The following PTPRD variants were observed in gnomAD, a reference collection of about 807,000 sequenced individuals.
The protein encoded by PTPRD is receptor-type tyrosine-protein phosphatase delta.
In PTPRD, 34 loss-of-function variants were observed where a neutral mutation model predicts 214.5. The observed-to-expected ratio is 0.16, with a 90% CI of 0.12 to 0.21. PTPRD has a LOEUF of 0.21. Among genes scored for constraint, PTPRD ranks in the 10% least tolerant of loss-of-function variants. PTPRD has a pLI of 1.00. For missense variants in PTPRD, 2,545 were observed against 2,398.7 expected, an observed-to-expected ratio of 1.06 and a Z score of -1.27; for synonymous variants, 1,128 against 845.7, an observed-to-expected ratio of 1.33 and a Z score of -5.79.
chr9:9,121,820 AAAAAT>A (rs907925335), intron 10 of PTPRD, among the ~76,000 whole-genome samples: 4 of 152,162 alleles, frequency 2.6e-5, no homozygotes, highest in Non-Finnish European at 4.4e-5. Flanking sequence ...TAACTTATGG[AAAAAT>A]AAAATAAAAT....
intron 12 of PTPRD, chr9:8,713,986 T>C: frequency 8.3e-6 from 5 of 603,952 alleles, no homozygotes; most frequent in Non-Finnish European, 1.5e-5. Flanking sequence ...AGTGACTCAA[T>C]TTCAGGCTTT....
rs1166530719 is a variant in PTPRD, at chr9:8,439,935, A to ATTTTTTTTTTTTTTTTTTTTTTTTTTTTT, written c.3989-3275_3989-3247dup. Among the ~76,000 whole-genome samples the ATTTTTTTTTTTTTTTTTTTTTTTTTTTTT allele has an allele frequency of 4.5e-4, 33 of 73,318 alleles. 3 individuals are homozygous for ATTTTTTTTTTTTTTTTTTTTTTTTTTTTT. Among genetic ancestry groups the ATTTTTTTTTTTTTTTTTTTTTTTTTTTTT allele is most frequent in the Non-Finnish European group, 5.9e-4 (24 of 40,510 alleles). 48.1% of individuals were successfully genotyped at this position (73,318 alleles called of 152,430 possible). ...CATTTAAATTACTTGATGTGCTTTA[A>ATTTTTTTTTTTTTTTTTTTTTTTTTTTTT]TTTTTTTTTTTTTTTTTTTTTTTTT... On this transcript the variant is annotated intron_variant, in intron 34 of 45. Transcript: ENST00000381196.
At chr9:10,348,683 A>G (rs995108318) in intron 2 of PTPRD, among the ~76,000 whole-genome samples, 34 of 152,224 alleles carry the variant, frequency 2.2e-4, no homozygotes, top group African/African-American at 8.0e-4. Flanking sequence ...AAAATCTTGT[A>G]AAGTTTTTCT....
intron 3 of PTPRD, among the ~76,000 whole-genome samples, chr9:10,067,747 T>C (rs1232629074): frequency 6.6e-6 from 1 of 151,864 alleles, no homozygotes; most frequent in Non-Finnish European, 1.5e-5. Flanking sequence ...GCTTTTTCCA[T>C]TATTCATTAC....
intron 3 of PTPRD, among the ~76,000 whole-genome samples, chr9:10,303,348 G>A (rs1232213083): frequency 6.6e-6 from 1 of 152,030 alleles, no homozygotes; most frequent in African/African-American, 2.4e-5. Context: ...ACAATTAAAA[G>A]AACGAGTGAA....
At chr9:9,831,995 G>A (rs2055019679) in intron 5 of PTPRD, among the ~76,000 whole-genome samples, 1 of 151,906 alleles carries the variant, frequency 6.6e-6, no homozygotes, top group Admixed American at 6.6e-5. Flanking sequence ...CATAGAATAA[G>A]GAATCCAAAA....
intron 14 of PTPRD, among the ~76,000 whole-genome samples, chr9:8,537,972 T>C (rs1415973118): frequency 2.0e-5 from 3 of 152,038 alleles, no homozygotes; most frequent in African/African-American, 7.2e-5. Flanking sequence ...TTGTGATTCA[T>C]AATCAAATAA....
chr9:8,964,923 T>C (rs1269190748), intron 11 of PTPRD, among the ~76,000 whole-genome samples: 1 of 152,128 alleles, frequency 6.6e-6, no homozygotes, highest in Admixed American at 6.6e-5. Context: ...GATGGTATAA[T>C]TTTGATTTTT....
At chr9:9,717,831 C>T (rs1406469595) in intron 7 of PTPRD, among the ~76,000 whole-genome samples, 3 of 152,058 alleles carry the variant, frequency 2.0e-5, no homozygotes, top group Non-Finnish European at 4.4e-5. Flanking sequence ...AACATACAAA[C>T]CACTTGATAC....
intron 9 of PTPRD, among the ~76,000 whole-genome samples, chr9:9,230,589 T>C (rs915856135): frequency 2.0e-5 from 3 of 152,100 alleles, no homozygotes; most frequent in African/African-American, 7.2e-5. Context: ...TTCTAATTGG[T>C]ACACTCTCAA....
At chr9:9,007,202 C>G (rs935146112) in intron 11 of PTPRD, among the ~76,000 whole-genome samples, 3 of 151,560 alleles carry the variant, frequency 2.0e-5, no homozygotes, top group African/African-American at 4.9e-5. Context: ...TAGAAATATA[C>G]AGTAATCTGT....
intron 3 of PTPRD, among the ~76,000 whole-genome samples, chr9:10,327,708 T>TCCAAACC: frequency 6.6e-6 from 1 of 151,748 alleles, no homozygotes; most frequent in East Asian, 1.9e-4. Flanking sequence ...ACTATTTTTT[T>TCCAAACC]TCCACTTTCC....
At chr9:9,956,317 G>A (rs1342750266) in intron 4 of PTPRD, among the ~76,000 whole-genome samples, 1 of 151,094 alleles carries the variant, frequency 6.6e-6, no homozygotes, top group Admixed American at 6.6e-5. Context: ...ATTGGTGAGT[G>A]TTATGAGACA....
chr9:8,528,811 T>A (rs748408569), intron 14 of PTPRD, 32 bp from the exon 15 acceptor site: 1 of 1,603,540 alleles, frequency 6.2e-7, no homozygotes, highest in Admixed American at 1.7e-5. Flanking sequence ...AAACATTCAG[T>A]TAATAAGTCA....
intron 39 of PTPRD, 113 bp downstream of exon 39, chr9:8,375,823 T>C: frequency 7.9e-6 from 10 of 1,272,776 alleles, no homozygotes; most frequent in Non-Finnish European, 1.1e-5. Context: ...AAGAGAGCTG[T>C]ATTATTTATG....
chr9:9,232,822 T>C (rs2099963960), intron 9 of PTPRD, among the ~76,000 whole-genome samples: 1 of 152,108 alleles, frequency 6.6e-6, no homozygotes, highest in African/African-American at 2.4e-5. Context: ...CCCTCTGACC[T>C]TCTGACATTC....
At chr9:9,813,709 C>T (rs2047882531) in intron 5 of PTPRD, among the ~76,000 whole-genome samples, 1 of 152,040 alleles carries the variant, frequency 6.6e-6, no homozygotes, top group Admixed American at 6.6e-5. Flanking sequence ...TAAAAGCAGT[C>T]CTTTTCAAAC....
At chr9:10,261,634 G>C (rs1037375603) in intron 3 of PTPRD, among the ~76,000 whole-genome samples, 3 of 151,976 alleles carry the variant, frequency 2.0e-5, no homozygotes, top group Non-Finnish European at 4.4e-5. Context: ...AGTCTTCAGA[G>C]AAAACAATGA....
At chr9:10,009,260 G>C (rs1287655203) in intron 4 of PTPRD, among the ~76,000 whole-genome samples, 1 of 151,956 alleles carries the variant, frequency 6.6e-6, no homozygotes, top group Non-Finnish European at 1.5e-5. Context: ...CCAAATCTGA[G>C]TGACCGAGGC....
Sources: gnomAD v4.1 joint callset for allele counts (sites outside exome capture counted in the v4.1 genomes callset) on GRCh38, gnomAD v4.1.1 for gene constraint, MANE v1.5 for transcripts, NCBI Gene and HGNC (gene_info 2026-07-23, HGNC 2026-07-21) for gene names.